Variants in GSDMC observed in about 807,000 individuals in gnomAD.
GSDMC encodes the protein gasdermin C.
A neutral mutation model predicts 58.0 loss-of-function variants in GSDMC; 59 were observed. The observed-to-expected ratio is 1.02, with a 90% CI of 0.82 to 1.26. The LOEUF is 1.26. GSDMC is among the 50% of genes most tolerant of loss of function. GSDMC has a pLI of 0.00. For missense variants in GSDMC, 659 were observed against 598.5 expected, an observed-to-expected ratio of 1.10 and a Z score of -1.06; for synonymous variants, 241 against 220.2, an observed-to-expected ratio of 1.09 and a Z score of -0.83.
rs746987965 is a variant in GSDMC at position 129,750,108 on chromosome 8, G to T, written c.1095C>A (p.Asp365Glu). The T allele has an allele frequency of 1.9e-6, 3 of 1,570,528 alleles. No homozygotes were observed. The South Asian group carries it at 3.6e-5, about 19-fold the overall frequency. The change falls in exon 12 of 14, where the codon GAC becomes GAA. Residue 365 changes from aspartate (D) to glutamate (E), a missense_variant. Physicochemically the swap from Asp to Glu is conservative, Grantham distance 45. Coordinates refer to ENST00000276708, the MANE Select transcript of GSDMC (RefSeq NM_031415.3). ...LQDLMNMLEL[D>E]SSGHLDGPGG... ...CAGGGCCATCCAAATGACCTGAGCT[G>T]TCCAATTCCAGCTATAGAAGACAGG...
chr8:129,768,964 G>C (rs1030759833), intron 3 of GSDMC, among the ~76,000 whole-genome samples: 1 of 152,148 alleles, frequency 6.6e-6, no homozygotes, highest in African/African-American at 2.4e-5. Context: ...TGTAGTCCTA[G>C]CTACTCAGGA....
intron 1 of GSDMC, among the ~76,000 whole-genome samples, chr8:129,784,435 A>G (rs952523038): frequency 9.9e-5 from 15 of 152,194 alleles, no homozygotes; most frequent in African/African-American, 3.6e-4. Context: ...TGGGCAAAAG[A>G]GTTGAATAAA....
chr8:129,734,810 A>C, the GSDMC span, among the ~76,000 whole-genome samples: 15 of 152,116 alleles, frequency 9.9e-5, no homozygotes, highest in African/African-American at 2.9e-4. Context: ...TCACACATAA[A>C]AATATTAACC....
chr8:129,760,199 T>G (rs1450368529), intron 6 of GSDMC, among the ~76,000 whole-genome samples: 2 of 152,100 alleles, frequency 1.3e-5, no homozygotes, highest in Non-Finnish European at 2.9e-5. Flanking sequence ...GTATGCTACC[T>G]GAGACTGGGA....
At chr8:129,777,287 T>C in intron 2 of GSDMC, 81 bp downstream of exon 2, 1 of 835,424 alleles carries the variant, frequency 1.2e-6, no homozygotes. Flanking sequence ...GTGTGCTCAG[T>C]TATCTTTGGA....
At chr8:129,712,319 C>T in the GSDMC span, among the ~76,000 whole-genome samples, 11 of 152,000 alleles carry the variant, frequency 7.2e-5, no homozygotes, top group Non-Finnish European at 1.2e-4. Flanking sequence ...TGATACAGAC[C>T]GATGGATGGT....
At chr8:129,723,787 G>A in the GSDMC span, among the ~76,000 whole-genome samples, 10 of 152,068 alleles carry the variant, frequency 6.6e-5, no homozygotes, top group Admixed American at 3.3e-4. Context: ...CCCTACCTTG[G>A]TTAAATGGTT....
intron 3 of GSDMC, among the ~76,000 whole-genome samples, chr8:129,768,439 T>C (rs1586603666): frequency 6.6e-6 from 1 of 152,070 alleles, no homozygotes; most frequent in South Asian, 2.1e-4. Context: ...AGAAGTTCAA[T>C]GAACTACAAG....
the GSDMC span, among the ~76,000 whole-genome samples, chr8:129,712,787 A>C: frequency 6.6e-6 from 1 of 152,242 alleles, no homozygotes; most frequent in East Asian, 1.9e-4. Context: ...CCTGAAATTA[A>C]GTTTCATTTT....
the GSDMC span, among the ~76,000 whole-genome samples, chr8:129,724,008 G>C: frequency 1.3e-5 from 2 of 152,198 alleles, no homozygotes; most frequent in Non-Finnish European, 2.9e-5. Flanking sequence ...GCTTGCTTTT[G>C]CATCCTAAAG....
At chr8:129,777,015 C>T (rs1414525182) in intron 2 of GSDMC, among the ~76,000 whole-genome samples, 1 of 152,004 alleles carries the variant, frequency 6.6e-6, no homozygotes, top group African/African-American at 2.4e-5. Flanking sequence ...AGTGATCTGC[C>T]CGCCTCGGTC....
chr8:129,776,363 T>C, intron 2 of GSDMC, 78 bp from the exon 3 acceptor site: 1 of 1,146,328 alleles, frequency 8.7e-7, no homozygotes, highest in Admixed American at 2.7e-5. Context: ...GAACAGCTGG[T>C]GTGCAAAATG....
At position 129,765,690 on chromosome 8, in the gene GSDMC, G is replaced by A; in HGVS notation, c.508C>T (p.Leu170=). The change falls in exon 4 of 14, where the codon CTG becomes TTG. Residue 170 remains leucine, a synonymous_variant. Coordinates refer to ENST00000276708, the MANE Select transcript of GSDMC (RefSeq NM_031415.3). ...ATATTCACACTACTGCTATCGTACA[G>A]CACAGTATTGTTGATCAGTTCAACA... The part of the protein sequence containing the change: ...EAVELINNTV[L]YDSSSVNILG... 1.2e-6 allele frequency: 2 copies of A among 1,612,108 alleles called. No individual in the cohort carries two copies. The highest frequency in any genetic ancestry group is 1.7e-6 in the Non-Finnish European group (2 of 1,178,184).
At chr8:129,727,573 T>C in the GSDMC span, among the ~76,000 whole-genome samples, 4 of 152,024 alleles carry the variant, frequency 2.6e-5, no homozygotes, top group African/African-American at 7.3e-5. Context: ...TGGAACTAAG[T>C]TGGGGAGAGG....
chr8:129,728,853 C>A, the GSDMC span: 3 of 617,736 alleles, frequency 4.9e-6, no homozygotes, highest in Non-Finnish European at 9.3e-6. Context: ...GCTGGAGAGG[C>A]TGTTCGCCTG....
At position 129,749,982 on chromosome 8, in the gene GSDMC, A is replaced by T. The variant is rs761649963; in HGVS notation, c.1213+8T>A. 6.2e-5 allele frequency: 98 copies of T among 1,575,822 alleles called. No homozygotes were observed. Among genetic ancestry groups the T allele is most frequent in the Non-Finnish European group, 8.0e-5 (93 of 1,166,890 alleles). ...GATTCTCCCATTCTTCCCTTTAATT[A>T]CTCTTACCCATTATGGCTTCAAGGA... On this transcript the variant is annotated splice_region_variant and intron_variant, in intron 12 of 13. Coordinates refer to ENST00000276708, the MANE Select transcript of GSDMC (RefSeq NM_031415.3).
intron 3 of GSDMC, among the ~76,000 whole-genome samples, chr8:129,774,668 G>A (rs2034166318): frequency 6.6e-6 from 1 of 152,076 alleles, no homozygotes; most frequent in African/African-American, 2.4e-5. Flanking sequence ...CCATATGCCT[G>A]ATAAAGGGTT....
chr8:129,780,216 G>A lies in GSDMC; in HGVS notation c.-4-2625C>T, dbSNP rs189702891. The stretch of plus-strand genomic sequence containing the variant: ...AGAGAAGATTGAGAAACAGATAGGT[G>A]TAGAAAGTTTATGCAAAGGGAGAAC... On this transcript the variant is annotated intron_variant, in intron 1 of 13. Coordinates refer to ENST00000276708, the MANE Select transcript of GSDMC (RefSeq NM_031415.3). Among the ~76,000 whole-genome samples the A allele has an allele frequency of 5.1e-4, 78 of 152,262 alleles. No individual in the cohort carries two copies. The Middle Eastern group carries it at 0.01, about 20-fold the overall frequency.
rs772266165 is a variant in GSDMC, at chr8:129,751,857, C to G, written c.916+5G>C. ...CACCCCCACCTCCAGCAAACTCACA[C>G]TCACCTACTGGGAGGATGTGAACTT... On this transcript the variant is annotated splice_donor_5th_base_variant and intron_variant, in intron 9 of 13. Transcript: ENST00000276708. 21 of 1,600,734 alleles carry G rather than the reference C, an allele frequency of 1.3e-5. No homozygotes were observed. The highest frequency in any genetic ancestry group is 1.8e-5 in the Non-Finnish European group (21 of 1,167,964).
Sources: allele counts gnomAD v4.1 joint callset (sites outside exome capture counted in the v4.1 genomes callset), GRCh38; gene constraint gnomAD v4.1.1; transcripts MANE v1.5; gene names NCBI Gene and HGNC (gene_info 2026-07-23, HGNC 2026-07-21).